Variants in CFAP92 observed in about 807,000 individuals in gnomAD.
CFAP92 encodes uncharacterized protein CFAP92.
Under a neutral mutation model 106.3 loss-of-function variants are expected in CFAP92, and 86 were observed. That is an observed-to-expected ratio of 0.81 (90% confidence interval 0.68 to 0.97). The LOEUF (loss-of-function observed/expected upper bound fraction) is 0.97, where lower values mean the gene tolerates loss of function less well. CFAP92 is among the 50% of genes least tolerant of loss of function. CFAP92 has a pLI of 0.00. For synonymous variants in CFAP92, 477 were observed against 506.4 expected, an observed-to-expected ratio of 0.94 and a Z score of 0.78; for missense variants, 1,204 against 1,283.8, an observed-to-expected ratio of 0.94 and a Z score of 0.95.
At chr3:128,916,919 T>C (rs562060951) in intron 12 of CFAP92, among the ~76,000 whole-genome samples, 21 of 152,344 alleles carry the variant, frequency 1.4e-4, no homozygotes, top group Non-Finnish European at 2.5e-4. Flanking sequence ...TATTTCACAG[T>C]AACCTTCAGC....
At chr3:128,947,980 GA>G (rs1024970453) in intron 9 of CFAP92, among the ~76,000 whole-genome samples, 2 of 151,656 alleles carry the variant, frequency 1.3e-5, no homozygotes, top group Admixed American at 1.3e-4. Flanking sequence ...ATGCATACAT[GA>G]AAAAAAATGT....
In CFAP92 at chr3:128,941,973, CATG is replaced by C. The variant is rs368592084; in HGVS notation, c.2258+3095_2258+3097del. Among the ~76,000 whole-genome samples the C allele has an allele frequency of 2.1e-4, 32 of 152,268 alleles. No homozygotes were observed. The East Asian group carries it at 6.2e-3, about 29-fold the overall frequency. On this transcript the variant is annotated intron_variant, in intron 10 of 15. Transcript: ENST00000645291. ...TCAACTGGGTTCAATGAGCATGCTTCATGATATTTCTGCCACTGGAAAAAGCTT... is the reference window on the plus strand; with the variant it reads ...TCAACTGGGTTCAATGAGCATGCTTCATATTTCTGCCACTGGAAAAAGCTT...
chr3:128,946,528 A>ACT (rs1940235889), intron 9 of CFAP92, among the ~76,000 whole-genome samples: 7 of 152,250 alleles, frequency 4.6e-5, no homozygotes, highest in African/African-American at 1.7e-4. Context: ...GAAAGCAGGG[A>ACT]CATTTGCATG....
intron 12 of CFAP92, among the ~76,000 whole-genome samples, chr3:128,929,432 A>C (rs1938084766): frequency 6.6e-6 from 1 of 152,222 alleles, no homozygotes; most frequent in South Asian, 2.1e-4. Flanking sequence ...GGTTCTACCC[A>C]AGAGAAATGA....
intron 9 of CFAP92, among the ~76,000 whole-genome samples, chr3:128,949,736 G>T (rs1205131411): frequency 6.6e-6 from 1 of 152,140 alleles, no homozygotes; most frequent in Admixed American, 6.5e-5. Flanking sequence ...GCCCAGGCTG[G>T]AGTGCAATGG....
upstream of CFAP92, among the ~76,000 whole-genome samples, chr3:128,995,421 C>T (rs547865758): frequency 1.3e-5 from 2 of 152,214 alleles, no homozygotes; most frequent in African/African-American, 4.8e-5. Context: ...CTTGCCCACA[C>T]CCCACCTGCA....
At chr3:128,989,104 T>C (rs930673224) in intron 2 of CFAP92, among the ~76,000 whole-genome samples, 186 bp from the exon 3 acceptor site, 1 of 152,058 alleles carries the variant, frequency 6.6e-6, no homozygotes, top group African/African-American at 2.4e-5. Flanking sequence ...ACTGGGCACC[T>C]GAGTGCAAAA....
chr3:128,970,551 T>C (rs1484017243), intron 8 of CFAP92: 1 of 152,248 alleles, frequency 6.6e-6, no homozygotes, highest in Non-Finnish European at 1.5e-5. Context: ...TACTCTTTTT[T>C]GGAACAAAGC....
intron 12 of CFAP92, among the ~76,000 whole-genome samples, chr3:128,924,291 T>C (rs1445513592): frequency 1.3e-5 from 2 of 151,976 alleles, no homozygotes; most frequent in Non-Finnish European, 2.9e-5. Flanking sequence ...TGCACCACAA[T>C]CTAAGCCCAG....
intron 10 of CFAP92, among the ~76,000 whole-genome samples, chr3:128,939,767 C>G (rs1257841613): frequency 6.6e-6 from 1 of 152,172 alleles, no homozygotes; most frequent in Non-Finnish European, 1.5e-5. Flanking sequence ...GAAACTGTTG[C>G]ACCTCAGATC....
At chr3:128,965,257 C>T (rs965669478) in intron 9 of CFAP92, among the ~76,000 whole-genome samples, 5 of 152,186 alleles carry the variant, frequency 3.3e-5, no homozygotes, top group African/African-American at 9.7e-5. Flanking sequence ...ATTACCTTCC[C>T]AAATCCTATA....
chr3:128,979,021 A>G (rs1686196167), intron 4 of CFAP92, among the ~76,000 whole-genome samples: 1 of 152,156 alleles, frequency 6.6e-6, no homozygotes, highest in African/African-American at 2.4e-5. Flanking sequence ...AACAGGCAAC[A>G]GAATGGGAGA....
intron 10 of CFAP92, among the ~76,000 whole-genome samples, chr3:128,939,601 C>G (rs919794888): frequency 6.6e-6 from 1 of 152,114 alleles, no homozygotes; most frequent in African/African-American, 2.4e-5. Flanking sequence ...CCTCAGCTAT[C>G]GCTCCGTATA....
intron 9 of CFAP92, among the ~76,000 whole-genome samples, chr3:128,960,446 C>A (rs1366737464): frequency 6.6e-6 from 1 of 152,220 alleles, no homozygotes; most frequent in Admixed American, 6.5e-5. Context: ...CTCACTATCC[C>A]TCAACCTCTT....
the CFAP92 span, among the ~76,000 whole-genome samples, chr3:129,017,218 G>A: frequency 1.6e-3 from 250 of 152,350 alleles, 1 homozygote; most frequent in African/African-American, 4.1e-3. Context: ...TCGTGAAGGC[G>A]GCTTCATGAT....
In CFAP92 at chr3:128,916,185, C is replaced by T. The variant is rs1936803268; in HGVS notation, c.2838G>A (p.Lys946=). The T allele has an allele frequency of 5.7e-6, 7 of 1,232,002 alleles. No individual in the cohort carries two copies. Among genetic ancestry groups the T allele is most frequent in the South Asian group, 4.1e-5 (1 of 24,320 alleles). 76.3% of individuals were successfully genotyped at this position (1,232,002 alleles called of 1,614,324 possible). Residue 946 remains lysine (K), a synonymous_variant, in exon 13 of 16, where the codon AAG becomes AAA. Coordinates refer to ENST00000645291, the MANE Select transcript of CFAP92 (RefSeq NM_001394090.1). The stretch of plus-strand genomic sequence containing the variant: ...TCTGGGTACTATAGTTGTAGACGGC[C>T]TTGTTGGCAGGGGCTGAAATTTTAA... ...KVIKISAPAN[K]AVYNYSTQTM...
rs1559864869 is a variant in CFAP92 at position 128,932,397 on chromosome 3, A to ACACACACACACACACACACACACACACG, written c.2751+302_2751+303insCGTGTGTGTGTGTGTGTGTGTGTGTGTG. 1.5e-3 allele frequency among the ~76,000 whole-genome samples: 168 copies of ACACACACACACACACACACACACACACG among 111,902 alleles called. 1 individual carries two copies. Among genetic ancestry groups the ACACACACACACACACACACACACACACG allele is most frequent in the African/African-American group, 5.6e-3 (165 of 29,210 alleles). The allele number at this position is 111,902 out of a possible 152,430, so 73.4% of individuals were successfully genotyped here. Reference sequence around the variant, plus strand: ...ACATGTTACACACACACACACACACATGCCACAGTTCTTTCTCTACAATGA... The same window carrying ACACACACACACACACACACACACACACG: ...ACATGTTACACACACACACACACACACACACACACACACACACACACACACACGTGCCACAGTTCTTTCTCTACAATGA... On this transcript the variant is annotated intron_variant, in intron 12 of 15. Coordinates refer to ENST00000645291, the MANE Select transcript of CFAP92 (RefSeq NM_001394090.1).
At chr3:129,006,644 A>T (rs1167436910), upstream of CFAP92, among the ~76,000 whole-genome samples, 1 of 152,282 alleles carries the variant, frequency 6.6e-6, no homozygotes, top group South Asian at 2.1e-4. Context: ...GTAAGGAAGA[A>T]GTAGGAGCAG....
chr3:128,982,146 C>T (rs1430815661), intron 4 of CFAP92, among the ~76,000 whole-genome samples: 2 of 152,344 alleles, frequency 1.3e-5, no homozygotes, highest in Admixed American at 6.5e-5. Context: ...CAGCTTCTTC[C>T]AGTAGAAGGC....
Sources: gnomAD v4.1 joint callset for allele counts (sites outside exome capture counted in the v4.1 genomes callset) on GRCh38, gnomAD v4.1.1 for gene constraint, MANE v1.5 for transcripts, NCBI Gene and HGNC (gene_info 2026-07-23, HGNC 2026-07-21) for gene names.